SPAG16: variants seen among roughly 807,000 people sequenced by gnomAD.
SPAG16 encodes sperm associated antigen 16.
In SPAG16, 86 loss-of-function variants were observed where a neutral mutation model predicts 80.4. The ratio of observed to expected loss-of-function variants is 1.07; its 90% CI spans 0.90 to 1.28. The LOEUF is 1.28. Ranked by LOEUF, SPAG16 falls within the 50% of genes most tolerant of loss-of-function variation. The pLI, the probability that SPAG16 is intolerant of heterozygous loss-of-function variation, is 0.00. For synonymous variants in SPAG16, 294 were observed against 265.9 expected (o/e 1.11, Z -1.03); for missense variants, 870 against 765.3 (o/e 1.14, Z -1.61).
At chr2:214,173,198 G>A (rs1001871786) in intron 15 of SPAG16, among the ~76,000 whole-genome samples, 10 of 151,822 alleles carry the variant, frequency 6.6e-5, no homozygotes, top group Non-Finnish European at 1.0e-4. Flanking sequence ...ATGGTAATGC[G>A]TAGGTTTTCT....
chr2:214,380,529 A>T (rs1700389196), intron 15 of SPAG16, among the ~76,000 whole-genome samples: 1 of 152,208 alleles, frequency 6.6e-6, no homozygotes, highest in Non-Finnish European at 1.5e-5. Flanking sequence ...TTATTTTTTA[A>T]TAAAAATTTA....
chr2:213,622,822 T>A (rs2061834461), intron 10 of SPAG16, among the ~76,000 whole-genome samples: 1 of 145,832 alleles, frequency 6.9e-6, no homozygotes, highest in South Asian at 2.1e-4. Context: ...CTTGTTTTGT[T>A]TTGTGTGTGT....
At chr2:214,324,428 A>G (rs1312330702) in intron 15 of SPAG16, among the ~76,000 whole-genome samples, 1 of 152,236 alleles carries the variant, frequency 6.6e-6, no homozygotes, top group Non-Finnish European at 1.5e-5. Context: ...ACAAAAGGCA[A>G]TATTTGGTGA....
intron 10 of SPAG16, among the ~76,000 whole-genome samples, chr2:213,543,507 T>G (rs1432398699): frequency 6.6e-6 from 1 of 152,038 alleles, no homozygotes; most frequent in Non-Finnish European, 1.5e-5. Context: ...GGTAAAGAGA[T>G]ACTCTAGTAC....
chr2:213,738,017 T>A (rs2067372681), intron 10 of SPAG16, among the ~76,000 whole-genome samples: 2 of 152,318 alleles, frequency 1.3e-5, no homozygotes, highest in South Asian at 4.1e-4. Flanking sequence ...ATTGTAGTTT[T>A]AAATTTTTCT....
At chr2:213,313,198 C>T (rs895919180) in intron 4 of SPAG16, among the ~76,000 whole-genome samples, 1 of 151,670 alleles carries the variant, frequency 6.6e-6, no homozygotes, top group Non-Finnish European at 1.5e-5. Context: ...ATACATTTGA[C>T]CACTATAAAT....
chr2:214,287,003 T>G (rs927206800), intron 15 of SPAG16, among the ~76,000 whole-genome samples: 7 of 152,212 alleles, frequency 4.6e-5, no homozygotes, highest in Non-Finnish European at 1.5e-5. Flanking sequence ...AAAGATATAT[T>G]TGGAGATTAA....
intron 10 of SPAG16, among the ~76,000 whole-genome samples, chr2:213,693,851 C>A (rs755800046): frequency 1.3e-5 from 2 of 152,108 alleles, no homozygotes; most frequent in Non-Finnish European, 2.9e-5. Flanking sequence ...CTATCTGGCA[C>A]TGAAACTTGG....
At chr2:213,417,876 A>T (rs1164342764) in intron 9 of SPAG16, among the ~76,000 whole-genome samples, 3 of 146,584 alleles carry the variant, frequency 2.0e-5, no homozygotes, top group Admixed American at 6.8e-5. Context: ...TTGTGTTTCA[A>T]TTTTTTTTTT....
intron 9 of SPAG16, among the ~76,000 whole-genome samples, chr2:213,442,102 C>G (rs184730785): frequency 1.3e-5 from 2 of 152,134 alleles, no homozygotes; most frequent in Non-Finnish European, 2.9e-5. Context: ...GAGCCGAGAT[C>G]GCCCCACTGC....
chr2:213,573,596 T>C (rs574565950), intron 10 of SPAG16, among the ~76,000 whole-genome samples: 55 of 152,348 alleles, frequency 3.6e-4, no homozygotes, highest in African/African-American at 1.2e-3. Context: ...TCACTGTTTC[T>C]CACTGCTCTA....
chr2:214,395,277 C>T (rs1416369253), intron 15 of SPAG16, among the ~76,000 whole-genome samples: 1 of 152,160 alleles, frequency 6.6e-6, no homozygotes, highest in East Asian at 1.9e-4. Context: ...TGTAAGTAAA[C>T]TGCTAAACCA....
intron 13 of SPAG16, among the ~76,000 whole-genome samples, chr2:214,086,084 T>G (rs773173189): frequency 4.6e-5 from 7 of 152,246 alleles, no homozygotes; most frequent in African/African-American, 7.2e-5. Context: ...CATTGTACTT[T>G]TTATATGTGA....
chr2:214,105,929 A>G (rs1415858871), intron 13 of SPAG16, among the ~76,000 whole-genome samples: 1 of 152,174 alleles, frequency 6.6e-6, no homozygotes, highest in Non-Finnish European at 1.5e-5. Flanking sequence ...TTGTTATAGC[A>G]GCACAAATGT....
intron 10 of SPAG16, among the ~76,000 whole-genome samples, chr2:213,528,082 A>G (rs1010215833): frequency 2.0e-5 from 3 of 152,186 alleles, no homozygotes; most frequent in African/African-American, 4.8e-5. Flanking sequence ...CTTTGAAAAT[A>G]TAACAGAAGA....
chr2:213,586,169 T>C (rs2060465684), intron 10 of SPAG16, among the ~76,000 whole-genome samples: 1 of 152,230 alleles, frequency 6.6e-6, no homozygotes, highest in Non-Finnish European at 1.5e-5. Flanking sequence ...AAATAAAACA[T>C]TACCTTTTCA....
chr2:213,566,014 G>T (rs904324288), intron 10 of SPAG16, among the ~76,000 whole-genome samples: 1 of 152,196 alleles, frequency 6.6e-6, no homozygotes, highest in East Asian at 1.9e-4. Context: ...AGGAGAATGG[G>T]AATAGCTTTT....
chr2:214,097,967 T>G (rs1033972830), intron 13 of SPAG16, among the ~76,000 whole-genome samples: 1 of 152,000 alleles, frequency 6.6e-6, no homozygotes, highest in Non-Finnish European at 1.5e-5. Context: ...AAACTGAGGC[T>G]TAGAGTGTTC....
Position 213,642,137 on chromosome 2 carries a change from G to A in SPAG16, c.1070+152047G>A, listed in dbSNP as rs996380803. On this transcript the variant is annotated intron_variant, in intron 10 of 15. Transcript: ENST00000331683. ...ACTCAGTGAGGATGTGTGTTTGGGG[G>A]CAGACTTTCCACCTCTCGCACTTTG... is the stretch of plus-strand genomic sequence containing the variant. 2.0e-5 allele frequency among the ~76,000 whole-genome samples: 3 copies of A among 152,178 alleles called. No individual in the cohort carries two copies. The East Asian group carries it at 5.8e-4, about 29-fold the overall frequency.
Sources: allele counts gnomAD v4.1 joint callset (sites outside exome capture counted in the v4.1 genomes callset), GRCh38; gene constraint gnomAD v4.1.1; transcripts MANE v1.5; gene names NCBI Gene and HGNC (gene_info 2026-07-23, HGNC 2026-07-21).